Variants in RIMS2 observed in about 807,000 individuals in gnomAD.
RIMS2 encodes the protein regulating synaptic membrane exocytosis 2, also known as regulating synaptic membrane exocytosis protein 2.
A neutral mutation model predicts 174.4 loss-of-function variants in RIMS2; 59 were observed. The observed-to-expected ratio is 0.34, with a 90% CI of 0.27 to 0.42. The LOEUF is 0.42. Among genes scored for constraint, RIMS2 ranks in the 10% least tolerant of loss-of-function variants. The pLI is 1.00. For synonymous variants in RIMS2, 606 were observed against 572.5 expected (o/e 1.06, Z -0.84); for missense variants, 1,620 against 1,666.3 (o/e 0.97, Z 0.48).
intron 2 of RIMS2, among the ~76,000 whole-genome samples, chr8:103,749,894 T>C (rs1233717312): frequency 6.6e-6 from 1 of 152,178 alleles, no homozygotes; most frequent in African/African-American, 2.4e-5. Flanking sequence ...AAGCATTTGA[T>C]TGTTTATTGA....
chr8:104,220,543 T>C (rs117954506), intron 19 of RIMS2, among the ~76,000 whole-genome samples: 2,958 of 152,280 alleles, frequency 0.019, 40 homozygotes, highest in Middle Eastern at 0.031. Flanking sequence ...CATTGTGATG[T>C]CCCTGAGTGC....
At chr8:103,876,909 T>C (rs187367752) in intron 3 of RIMS2, among the ~76,000 whole-genome samples, 19,427 of 64,922 alleles carry the variant, frequency 0.3, 3,678 homozygotes, top group African/African-American at 0.5. Flanking sequence ...TATATATATA[T>C]ACACACACAC....
chr8:103,606,746 C>T (rs1444312319), intron 1 of RIMS2, among the ~76,000 whole-genome samples: 1 of 151,992 alleles, frequency 6.6e-6, no homozygotes, highest in African/African-American at 2.4e-5. Flanking sequence ...ATCCCTTTAC[C>T]ATTATATAAT....
intron 19 of RIMS2, among the ~76,000 whole-genome samples, chr8:104,058,258 A>G (rs1308830060): frequency 6.7e-6 from 1 of 149,440 alleles, no homozygotes; most frequent in Admixed American, 6.7e-5. Flanking sequence ...AATGATTGCC[A>G]TTCTAACTGG....
chr8:104,223,749 C>A, intron 19 of RIMS2: 1 of 1,595,724 alleles, frequency 6.3e-7, no homozygotes, highest in East Asian at 2.2e-5. Flanking sequence ...GAGGCACTGG[C>A]CGGCTACTTT....
intron 1 of RIMS2, chr8:103,559,227 T>C: frequency 5.0e-6 from 1 of 200,564 alleles, no homozygotes; most frequent in Non-Finnish European, 1.0e-5. Flanking sequence ...CCCACTTCCT[T>C]CTTCTTCTTT....
chr8:103,936,512 G>A (rs2081281991), intron 12 of RIMS2, 39 bp from the exon 15 acceptor site: 1 of 1,353,464 alleles, frequency 7.4e-7, no homozygotes, highest in Non-Finnish European at 1.0e-6. Context: ...AAAACTTATA[G>A]TTCTATGTAA....
chr8:103,885,768 G>T, exon 4 of RIMS2: 1 of 1,612,846 alleles, frequency 6.2e-7, no homozygotes. Flanking sequence ...AGGATGGATC[G>T]ACCATCAAGG....
At chr8:104,205,687 C>A (rs1587357388) in intron 19 of RIMS2, among the ~76,000 whole-genome samples, 1 of 152,000 alleles carries the variant, frequency 6.6e-6, no homozygotes, top group Non-Finnish European at 1.5e-5. Context: ...CAATCAAAGT[C>A]TCTGCAGCAG....
chr8:104,190,771 C>T (rs2098993539), intron 19 of RIMS2, among the ~76,000 whole-genome samples: 1 of 152,008 alleles, frequency 6.6e-6, no homozygotes, highest in South Asian at 2.1e-4. Flanking sequence ...ACTTAACAAC[C>T]TCACCATTTC....
intron 1 of RIMS2, among the ~76,000 whole-genome samples, chr8:103,606,090 G>A (rs1227622369): frequency 1.4e-5 from 2 of 146,896 alleles, no homozygotes; most frequent in Non-Finnish European, 3.0e-5. Context: ...TACTTGTGAT[G>A]TTAGGGTGTC....
In RIMS2 at chr8:104,144,976, A is replaced by G. The variant is rs189082655; in HGVS notation, c.3335-99940A>G. ...TACAGATATCTGCTTCTCCCTCCCC[A>G]TCCCCCACCATCAAGAATATCTTTT... On this transcript the variant is annotated intron_variant, in intron 19 of 23. Coordinates refer to ENST00000504942, the Ensembl canonical transcript of RIMS2. 1.4e-3 allele frequency among the ~76,000 whole-genome samples: 213 copies of G among 152,196 alleles called. 1 individual carries two copies. The highest frequency in any genetic ancestry group is 4.6e-3 in the African/African-American group (193 of 41,534).
At chr8:103,690,969 G>A (rs1244347749) in intron 1 of RIMS2, among the ~76,000 whole-genome samples, 2 of 152,108 alleles carry the variant, frequency 1.3e-5, no homozygotes, top group African/African-American at 4.8e-5. Flanking sequence ...TTTACTGGAT[G>A]TACTATTCTA....
chr8:104,060,840 T>A (rs1435845005), intron 19 of RIMS2, among the ~76,000 whole-genome samples: 2 of 152,180 alleles, frequency 1.3e-5, no homozygotes, highest in Non-Finnish European at 2.9e-5. Context: ...CAGTAGTCAT[T>A]CAGGAGCAGG....
At chr8:103,720,644 T>C (rs2097434211) in intron 2 of RIMS2, among the ~76,000 whole-genome samples, 1 of 152,172 alleles carries the variant, frequency 6.6e-6, no homozygotes, top group African/African-American at 2.4e-5. Context: ...CATTCTTACA[T>C]TGTTTAACTA....
chr8:103,912,110 T>C (rs2075784783), exon 6 of RIMS2: 1 of 1,607,442 alleles, frequency 6.2e-7, no homozygotes, highest in African/African-American at 1.3e-5. Context: ...TCGCATTTTA[T>C]TAAATAAGCG....
chr8:104,190,366 G>A (rs1276742889), intron 19 of RIMS2, among the ~76,000 whole-genome samples: 2 of 137,876 alleles, frequency 1.5e-5, no homozygotes, highest in Admixed American at 7.8e-5. Context: ...TTCTAGGAGC[G>A]GATCCTTAAT....
chr8:103,647,896 A>ATTTTTTTTTT (rs71297225), intron 1 of RIMS2, among the ~76,000 whole-genome samples: 1 of 114,578 alleles, frequency 8.7e-6, no homozygotes, highest in Non-Finnish European at 1.9e-5. Context: ...TTTTTTTTTG[A>ATTTTTTTTTT]TTTTTTTTTT....
chr8:103,593,867 A>C (rs1344246273), intron 1 of RIMS2, among the ~76,000 whole-genome samples: 4 of 151,402 alleles, frequency 2.6e-5, no homozygotes, highest in Admixed American at 1.3e-4. Context: ...GTAGATAGAA[A>C]TATATATATA....
Sources: allele counts gnomAD v4.1 joint callset (sites outside exome capture counted in the v4.1 genomes callset), GRCh38; gene constraint gnomAD v4.1.1; transcripts MANE v1.5; gene names NCBI Gene and HGNC (gene_info 2026-07-23, HGNC 2026-07-21).